The following SPRED1 variants were observed in gnomAD, a reference collection of about 807,000 sequenced individuals.
SPRED1 encodes sprouty related EVH1 domain containing 1.
SPRED1 carries 18 observed loss-of-function variants against 52.3 expected under a neutral mutation model. That is an observed-to-expected ratio of 0.34 (90% CI 0.24 to 0.51). The LOEUF (loss-of-function observed/expected upper bound fraction) is 0.51, where lower values mean the gene tolerates loss of function less well. SPRED1 is among the 20% of genes least tolerant of loss of function. The pLI is 0.97. For missense variants in SPRED1, 485 were observed against 551.0 expected, an observed-to-expected ratio of 0.88 and a Z score of 1.20; for synonymous variants, 155 against 179.7, an observed-to-expected ratio of 0.86 and a Z score of 1.10.
chr15:38,344,613 T>C (rs937509271), intron 5 of SPRED1, among the ~76,000 whole-genome samples: 6 of 152,218 alleles, frequency 3.9e-5, no homozygotes, highest in African/African-American at 1.4e-4. Context: ...CCAACTTCTT[T>C]ACTTACTAGC....
At chr15:38,337,823 T>G (rs1013040049) in intron 4 of SPRED1, among the ~76,000 whole-genome samples, 1 of 151,868 alleles carries the variant, frequency 6.6e-6, no homozygotes. Flanking sequence ...TATCTTATAA[T>G]TACCACTGAT....
chr15:38,281,601 C>A (rs1894690678), intron 1 of SPRED1, among the ~76,000 whole-genome samples: 1 of 116,116 alleles, frequency 8.6e-6, no homozygotes, highest in African/African-American at 3.3e-5. Context: ...CAGGGTCTTG[C>A]TATGCTTCTC....
intron 4 of SPRED1, among the ~76,000 whole-genome samples, chr15:38,338,137 G>A (rs1350065662): frequency 6.6e-6 from 1 of 151,238 alleles, no homozygotes; most frequent in African/African-American, 2.4e-5. Context: ...CTTGAACCTG[G>A]GAGGTGGAGG....
At chr15:38,270,206 C>G (rs1334896421) in intron 1 of SPRED1, among the ~76,000 whole-genome samples, 3 of 152,178 alleles carry the variant, frequency 2.0e-5, no homozygotes, top group African/African-American at 7.2e-5. Context: ...CATGCCCAGC[C>G]CAAATCTGGA....
At chr15:38,316,918 T>G (rs1396370705) in intron 2 of SPRED1, among the ~76,000 whole-genome samples, 1 of 151,800 alleles carries the variant, frequency 6.6e-6, no homozygotes. Context: ...CGTGTCATAT[T>G]ATTTTGGCAT....
intron 1 of SPRED1, among the ~76,000 whole-genome samples, chr15:38,277,125 G>A (rs1306440877): frequency 6.6e-6 from 1 of 152,042 alleles, no homozygotes; most frequent in Admixed American, 6.6e-5. Context: ...TCAGTATAAG[G>A]ACTTTTTAAA....
At chr15:38,342,028 GT>G (rs369153950) in intron 5 of SPRED1, among the ~76,000 whole-genome samples, 1,391 of 107,626 alleles carry the variant, frequency 0.013, 27 homozygotes, top group African/African-American at 0.039. Context: ...TTGGGTTTGG[GT>G]TTTTTTTTTT....
chr15:38,253,430 T>G (rs1894024910), intron 1 of SPRED1, among the ~76,000 whole-genome samples: 1 of 152,050 alleles, frequency 6.6e-6, no homozygotes, highest in South Asian at 2.1e-4. Context: ...GGGTAGGGGA[T>G]TAAGTGTTGG....
intron 1 of SPRED1, among the ~76,000 whole-genome samples, chr15:38,282,922 C>T (rs1894722311): frequency 6.6e-6 from 1 of 151,864 alleles, no homozygotes; most frequent in Non-Finnish European, 1.5e-5. Flanking sequence ...TGATTTGAAT[C>T]TAGTATTGCT....
chr15:38,318,812 A>G (rs778987016), intron 2 of SPRED1, among the ~76,000 whole-genome samples: 4 of 152,172 alleles, frequency 2.6e-5, no homozygotes, highest in Admixed American at 1.3e-4. Context: ...ATGTTTTATA[A>G]GTATATACAT....
chr15:38,284,671 A>G (rs1374071067), intron 1 of SPRED1, among the ~76,000 whole-genome samples: 1 of 152,020 alleles, frequency 6.6e-6, no homozygotes, highest in Non-Finnish European at 1.5e-5. Flanking sequence ...TAGAGATTCA[A>G]GTTTTAATTT....
chr15:38,283,547 C>A, intron 1 of SPRED1: 1 of 971,464 alleles, frequency 1.0e-6, no homozygotes, highest in Non-Finnish European at 1.2e-6. Context: ...GTGCTATGAG[C>A]TTATATTTAG....
intron 1 of SPRED1, among the ~76,000 whole-genome samples, chr15:38,272,276 G>GT (rs1555387949): frequency 9.4e-4 from 123 of 131,486 alleles, no homozygotes; most frequent in African/African-American, 2.7e-3. Flanking sequence ...CGAATGCTAG[G>GT]TTTTTTTTTT....
chr15:38,263,987 A>T (rs902264632), intron 1 of SPRED1, among the ~76,000 whole-genome samples: 1 of 152,186 alleles, frequency 6.6e-6, no homozygotes, highest in African/African-American at 2.4e-5. Flanking sequence ...CATAGAGTAG[A>T]TGCTAGTCAT....
At chr15:38,295,207 A>G (rs1478785269) in intron 1 of SPRED1, among the ~76,000 whole-genome samples, 2 of 152,186 alleles carry the variant, frequency 1.3e-5, no homozygotes, top group Non-Finnish European at 2.9e-5. Context: ...TGTGCACACA[A>G]ACATCATAGA....
chr15:38,304,316 C>T (rs1409754511), intron 2 of SPRED1, among the ~76,000 whole-genome samples: 1 of 152,160 alleles, frequency 6.6e-6, no homozygotes, highest in East Asian at 1.9e-4. Flanking sequence ...AAACTTCAGT[C>T]CTACAGAAGT....
chr15:38,274,937 G>A (rs1027141324), intron 1 of SPRED1, among the ~76,000 whole-genome samples: 7 of 152,166 alleles, frequency 4.6e-5, no homozygotes, highest in African/African-American at 1.7e-4. Flanking sequence ...TTCATCATTT[G>A]GTTAAGAAGA....
chr15:38,305,100 G>A (rs932146639), intron 2 of SPRED1, among the ~76,000 whole-genome samples: 2 of 151,992 alleles, frequency 1.3e-5, no homozygotes, highest in African/African-American at 2.4e-5. Context: ...AGGCCAAGGC[G>A]GGTGGATTGC....
At chr15:38,266,063 C>T (rs1555387546) in intron 1 of SPRED1, among the ~76,000 whole-genome samples, 1 of 152,038 alleles carries the variant, frequency 6.6e-6, no homozygotes. Context: ...AAAGCTAAAG[C>T]AAAAATACGT....
Sources: gnomAD v4.1 joint callset for allele counts (sites outside exome capture counted in the v4.1 genomes callset) on GRCh38, gnomAD v4.1.1 for gene constraint, MANE v1.5 for transcripts, NCBI Gene and HGNC (gene_info 2026-07-23, HGNC 2026-07-21) for gene names.